MINPP1: variants seen among roughly 807,000 people sequenced by gnomAD.
MINPP1 encodes multiple inositol polyphosphate phosphatase 1.
In MINPP1, 28 loss-of-function variants were observed where a neutral mutation model predicts 46.1. The observed-to-expected ratio is 0.61, with a 90% CI of 0.45 to 0.83. The LOEUF is 0.83. Among genes scored for constraint, MINPP1 ranks in the 40% least tolerant of loss-of-function variants. The probability of loss-of-function intolerance (pLI) is 0.00; values close to 1 mark genes in which losing one functional copy is unlikely to be tolerated. For missense variants in MINPP1, 603 were observed against 610.0 expected (o/e 0.99, Z 0.12); for synonymous variants, 268 against 249.1 (o/e 1.08, Z -0.72).
chr10:87,521,599 C>T (rs1279143669), intron 4 of MINPP1, among the ~76,000 whole-genome samples: 1 of 151,990 alleles, frequency 6.6e-6, no homozygotes, highest in Non-Finnish European at 1.5e-5. Context: ...GCTTTGTTTC[C>T]CCCCTCAACT....
At chr10:87,531,165 C>G (rs896982679) in intron 4 of MINPP1, among the ~76,000 whole-genome samples, 2 of 152,190 alleles carry the variant, frequency 1.3e-5, no homozygotes, top group Non-Finnish European at 2.9e-5. Flanking sequence ...TGAGGCGATG[C>G]CCCGTCCTGC....
At chr10:87,510,268 TA>T (rs931142069) in intron 2 of MINPP1, among the ~76,000 whole-genome samples, 2 of 152,222 alleles carry the variant, frequency 1.3e-5, no homozygotes, top group Admixed American at 6.5e-5. Context: ...TTTGTTTACA[TA>T]GGGGGTGATG....
At position 87,505,507 on chromosome 10, in the gene MINPP1, C is replaced by T. The variant is rs1851231163; in HGVS notation, c.592C>T (p.Leu198=). 1.2e-6 allele frequency: 2 copies of T among 1,612,126 alleles called. No individual in the cohort carries two copies. The highest frequency in any genetic ancestry group is 1.1e-5 in the South Asian group (1 of 90,896). The change falls in exon 1 of 5, where the codon CTG becomes TTG. Residue 198 remains leucine, a synonymous_variant. Coordinates refer to ENST00000371996, the MANE Select transcript of MINPP1 (RefSeq NM_004897.5). This position sits in a 1 kb window ranked among gnomAD's most constrained non-coding sequence, Gnocchi z 4.4. ...TAGCAGCGCCGCCTTCCTGCAGGGG[C>T]TGTGGCAGCACTACCACCCTGGCTT... ...MDSSAAFLQG[L]WQHYHPGLPP...
At chr10:87,514,970 C>T (rs565325862) in intron 3 of MINPP1, among the ~76,000 whole-genome samples, 2 of 151,946 alleles carry the variant, frequency 1.3e-5, no homozygotes, top group East Asian at 2.0e-4. Context: ...CCCGCCTGGG[C>T]CCCCCAAAGT....
At chr10:87,517,420 G>A (rs575879480) in intron 3 of MINPP1, among the ~76,000 whole-genome samples, 44 of 152,164 alleles carry the variant, frequency 2.9e-4, no homozygotes, top group African/African-American at 1.0e-3. Context: ...TCTTGGGGGC[G>A]ATTAAGTCAT....
At chr10:87,548,294 T>C (rs1312339939) in intron 4 of MINPP1, among the ~76,000 whole-genome samples, 2 of 152,170 alleles carry the variant, frequency 1.3e-5, no homozygotes, top group Non-Finnish European at 2.9e-5. Flanking sequence ...TTCATTTGTG[T>C]TTTTGTTCTT....
Position 87,508,431 on chromosome 10 carries a change from G to A in MINPP1, c.733G>A (p.Ala245Thr). 1 of 1,613,736 alleles carries A rather than the reference G, an allele frequency of 6.2e-7. No individual in the cohort carries two copies. The highest frequency in any genetic ancestry group is 8.5e-7 in the Non-Finnish European group (1 of 1,179,832). The change falls in exon 2 of 5, where the codon GCT becomes ACT. Residue 245 changes from alanine (A) to threonine (T), a missense_variant. Ala to Thr is a moderately conservative substitution (Grantham distance 58). Coordinates refer to ENST00000371996, the MANE Select transcript of MINPP1 (RefSeq NM_004897.5). ...FLTEVEKNAT[A>T]LYHVEAFKTG... ...AACTGAAGTAGAAAAAAATGCTACAGCTCTTTATCACGTGGAAGCCTTCAA... is the reference window on the plus strand; with the variant it reads ...AACTGAAGTAGAAAAAAATGCTACAACTCTTTATCACGTGGAAGCCTTCAA...
At chr10:87,551,200 C>T (rs1462756472) in intron 4 of MINPP1, among the ~76,000 whole-genome samples, 2 of 151,812 alleles carry the variant, frequency 1.3e-5, no homozygotes, top group Non-Finnish European at 2.9e-5. Flanking sequence ...GTGTTGGGGG[C>T]AGAGGGAATC....
At chr10:87,527,412 A>C (rs549685061) in intron 4 of MINPP1, among the ~76,000 whole-genome samples, 2 of 152,232 alleles carry the variant, frequency 1.3e-5, no homozygotes, top group African/African-American at 4.8e-5. Flanking sequence ...TGGGTTTGTC[A>C]TAAATAGCTT....
intron 4 of MINPP1, among the ~76,000 whole-genome samples, chr10:87,522,162 C>T (rs953739668): frequency 1.8e-4 from 27 of 151,568 alleles, no homozygotes; most frequent in African/African-American, 6.3e-4. Context: ...TAAAAAAAAA[C>T]GGAATGAAAT....
chr10:87,545,622 A>G (rs990770915), intron 4 of MINPP1, among the ~76,000 whole-genome samples: 39 of 152,324 alleles, frequency 2.6e-4, no homozygotes, highest in African/African-American at 8.7e-4. Context: ...TGTCTTAGAA[A>G]TGACCAAACT....
intron 2 of MINPP1, among the ~76,000 whole-genome samples, chr10:87,509,184 AT>A (rs1279786061): frequency 1.3e-5 from 2 of 152,124 alleles, no homozygotes; most frequent in Non-Finnish European, 2.9e-5. Context: ...AGAAAATAAG[AT>A]TTTTTTCTGT....
chr10:87,547,146 C>G (rs932692562), intron 4 of MINPP1, among the ~76,000 whole-genome samples: 2 of 152,062 alleles, frequency 1.3e-5, no homozygotes, highest in Admixed American at 1.3e-4. Context: ...GATTCTTGCT[C>G]TGTCACCCGG....
At chr10:87,551,805 T>C (rs965358562) in intron 4 of MINPP1, among the ~76,000 whole-genome samples, 3 of 152,142 alleles carry the variant, frequency 2.0e-5, no homozygotes. Context: ...AAGACACTTC[T>C]CTCTCTTTAA....
intron 4 of MINPP1, among the ~76,000 whole-genome samples, chr10:87,530,645 G>T (rs1408439983): frequency 6.6e-6 from 1 of 152,166 alleles, no homozygotes; most frequent in East Asian, 1.9e-4. Context: ...GGCTACTTGG[G>T]GGTCAAGGAC....
chr10:87,526,982 T>A (rs1209424144), intron 4 of MINPP1, among the ~76,000 whole-genome samples: 1 of 152,204 alleles, frequency 6.6e-6, no homozygotes, highest in Non-Finnish European at 1.5e-5. Context: ...GGTAGCATGA[T>A]GCCTCCAGCT....
chr10:87,509,517 A>G (rs1350290505), intron 2 of MINPP1, among the ~76,000 whole-genome samples: 2 of 152,372 alleles, frequency 1.3e-5, no homozygotes, highest in East Asian at 3.9e-4. Flanking sequence ...TGTGGTGAAC[A>G]TCCCTATACC....
intron 4 of MINPP1, among the ~76,000 whole-genome samples, chr10:87,521,672 A>G (rs897824932): frequency 2.0e-5 from 3 of 152,176 alleles, no homozygotes; most frequent in Admixed American, 2.0e-4. Context: ...CTGTAGTACA[A>G]TATTCAATAA....
chr10:87,534,005 T>C (rs1851696353), intron 4 of MINPP1, among the ~76,000 whole-genome samples: 1 of 151,470 alleles, frequency 6.6e-6, no homozygotes, highest in Non-Finnish European at 1.5e-5. Context: ...TTTTCAGTGC[T>C]AGGAATCTCT....
Sources: allele counts gnomAD v4.1 joint callset (sites outside exome capture counted in the v4.1 genomes callset), GRCh38; gene constraint gnomAD v4.1.1; non-coding constraint Gnocchi (gnomAD v3.1); transcripts MANE v1.5; gene names NCBI Gene and HGNC (gene_info 2026-07-23, HGNC 2026-07-21).